Variants in CADPS2 observed in about 807,000 individuals in gnomAD.
The protein encoded by CADPS2 is calcium dependent secretion activator 2.
A neutral mutation model predicts 172.5 loss-of-function variants in CADPS2; 93 were observed. The ratio of observed to expected loss-of-function variants is 0.54; its 90% confidence interval spans 0.46 to 0.64. The LOEUF (loss-of-function observed/expected upper bound fraction) is 0.64, where lower values mean the gene tolerates loss of function less well. CADPS2 is among the 30% of genes least tolerant of loss of function. The pLI is 0.00. For synonymous variants in CADPS2, 546 were observed against 555.2 expected, an observed-to-expected ratio of 0.98 and a Z score of 0.23; for missense variants, 1,420 against 1,565.9, an observed-to-expected ratio of 0.91 and a Z score of 1.57.
chr7:122,675,200 G>A (rs1036174267), intron 2 of CADPS2, among the ~76,000 whole-genome samples: 4 of 152,190 alleles, frequency 2.6e-5, no homozygotes, highest in Admixed American at 6.5e-5. Context: ...CCATCTGTGG[G>A]ACCTGTCTGT....
rs1286462243 is a variant in CADPS2 at position 122,820,542 on chromosome 7, G to GTTTTTTTT, written c.339+65456_339+65457insAAAAAAAA. Among the ~76,000 whole-genome samples, 37 of 117,788 alleles carry GTTTTTTTT rather than the reference G, an allele frequency of 3.1e-4. 3 individuals carry two copies. Among genetic ancestry groups the GTTTTTTTT allele is most frequent in the African/African-American group, 1.2e-3 (34 of 27,586 alleles). The allele number at this position is 117,788 out of a possible 152,430, so 77.3% of individuals were successfully genotyped here. A position where few individuals can be genotyped will look rare whatever the true frequency, so the allele number is the denominator to read the frequency against. On this transcript the variant is annotated intron_variant, in intron 1 of 29. Coordinates refer to ENST00000449022, the MANE Select transcript of CADPS2 (RefSeq NM_017954.11). ...TCTGTCCAAACAACTTGACCTTACTGTTTTTTGTTTTTTGTTTTTTTTTTT... is the reference window on the plus strand; with the variant it reads ...TCTGTCCAAACAACTTGACCTTACTGTTTTTTTTTTTTTTGTTTTTTGTTTTTTTTTTT...
intron 20 of CADPS2, among the ~76,000 whole-genome samples, chr7:122,397,089 A>G (rs910883526): frequency 6.6e-6 from 1 of 152,176 alleles, no homozygotes; most frequent in African/African-American, 2.4e-5. Flanking sequence ...ACAAGATCGG[A>G]CTGCTAAAAA....
intron 8 of CADPS2, among the ~76,000 whole-genome samples, chr7:122,541,847 TCATATATA>T (rs2063100440): frequency 7.8e-6 from 1 of 127,922 alleles, no homozygotes; most frequent in Admixed American, 8.2e-5. Context: ...GTTTATATAT[TCATATATA>T]TTTATATATA....
chr7:122,724,788 C>T (rs2090906037), intron 2 of CADPS2, among the ~76,000 whole-genome samples: 2 of 152,036 alleles, frequency 1.3e-5, no homozygotes, highest in South Asian at 4.1e-4. Flanking sequence ...CTGAAGCCTC[C>T]ACAAGTCCTG....
At chr7:122,865,622 G>C (rs987536577) in intron 1 of CADPS2, among the ~76,000 whole-genome samples, 6 of 152,178 alleles carry the variant, frequency 3.9e-5, no homozygotes, top group Non-Finnish European at 7.3e-5. Flanking sequence ...TATGGGACCT[G>C]GTCCTATTTC....
chr7:122,330,438 G>A (rs1168144748), intron 28 of CADPS2, among the ~76,000 whole-genome samples: 1 of 152,046 alleles, frequency 6.6e-6, no homozygotes, highest in African/African-American at 2.4e-5. Context: ...CATTTCCCAT[G>A]TCTAAACACT....
chr7:122,645,450 C>T lies in CADPS2; in HGVS notation c.787-16122G>A, dbSNP rs1258738598. ...GTGTATATATGTATATATACACACACATATGTATATATGTGTATATATGTA... is the reference window on the plus strand; with the variant it reads ...GTGTATATATGTATATATACACACATATATGTATATATGTGTATATATGTA... On this transcript the variant is annotated intron_variant, in intron 3 of 29. Transcript: ENST00000449022. Among the ~76,000 whole-genome samples, 389 of 76,448 alleles carry T rather than the reference C, an allele frequency of 5.1e-3. 7 individuals carry two copies. The highest frequency in any genetic ancestry group is 0.019 in the African/African-American group (368 of 19,518). The allele number at this position is 76,448 out of a possible 152,430, so 50.2% of individuals were successfully genotyped here. A position where few individuals can be genotyped will look rare whatever the true frequency, so the allele number is the denominator to read the frequency against.
At chr7:122,342,044 T>C (rs1342940703) in intron 28 of CADPS2, among the ~76,000 whole-genome samples, 1 of 152,188 alleles carries the variant, frequency 6.6e-6, no homozygotes, top group Non-Finnish European at 1.5e-5. Flanking sequence ...AATGTTAGCT[T>C]TTGTGACCCT....
chr7:122,865,438 T>C (rs370090192), intron 1 of CADPS2, among the ~76,000 whole-genome samples: 2 of 152,194 alleles, frequency 1.3e-5, no homozygotes, highest in South Asian at 2.1e-4. Flanking sequence ...ACCCTGACTG[T>C]TCCACAGCCA....
In CADPS2 at chr7:122,663,402, A is replaced by T; in HGVS notation, c.621T>A (p.Tyr207Ter). 6.2e-7 allele frequency: 1 copy of T among 1,613,918 alleles called. No homozygotes were observed. Among genetic ancestry groups the T allele is most frequent in the Non-Finnish European group, 8.5e-7 (1 of 1,179,872 alleles). ...ETVLSSWIAKYDAIYRGEEDL... is the reference protein window; with the variant it reads ...ETVLSSWIAK ...CCTCTTCACCTCTGTAAATGGCATC[A>T]TATTTGGCTATCCATGAGCTCAACA... The change falls in exon 3 of 30, where the codon TAT (tyrosine) becomes TAA (stop). Residue 207 changes from tyrosine to a stop codon, truncating the protein, a stop_gained. Coordinates refer to ENST00000449022, the MANE Select transcript of CADPS2 (RefSeq NM_017954.11). LOFTEE classifies it high-confidence loss of function.
chr7:122,745,659 T>C (rs2092691629), intron 1 of CADPS2, among the ~76,000 whole-genome samples: 3 of 149,216 alleles, frequency 2.0e-5, no homozygotes, highest in Non-Finnish European at 3.0e-5. Flanking sequence ...GCCTAGCACA[T>C]AGAATATCCT....
intron 1 of CADPS2, among the ~76,000 whole-genome samples, chr7:122,787,681 A>G (rs1794367459): frequency 6.6e-6 from 1 of 152,162 alleles, no homozygotes; most frequent in African/African-American, 2.4e-5. Context: ...TGCAAAGCAC[A>G]TTGTAGCCTC....
chr7:122,535,799 G>A (rs1210361588), intron 8 of CADPS2, among the ~76,000 whole-genome samples: 1 of 152,088 alleles, frequency 6.6e-6, no homozygotes, highest in African/African-American at 2.4e-5. Context: ...AGTGACTTGT[G>A]TCTCTTGGGA....
At chr7:122,823,774 C>G (rs1434806658) in intron 1 of CADPS2, among the ~76,000 whole-genome samples, 1 of 152,110 alleles carries the variant, frequency 6.6e-6, no homozygotes, top group Non-Finnish European at 1.5e-5. Context: ...ACTCCGAAAC[C>G]AAGTATCTGG....
At chr7:122,366,299 T>C (rs2040830478) in intron 25 of CADPS2, among the ~76,000 whole-genome samples, 1 of 151,466 alleles carries the variant, frequency 6.6e-6, no homozygotes, top group Admixed American at 6.6e-5. Flanking sequence ...AACGTTAATA[T>C]ATGATAATAA....
At chr7:122,854,417 A>G (rs1814610232) in intron 1 of CADPS2, among the ~76,000 whole-genome samples, 1 of 152,172 alleles carries the variant, frequency 6.6e-6, no homozygotes. Flanking sequence ...TTCTACTCAC[A>G]GTATTCAATA....
intron 3 of CADPS2, among the ~76,000 whole-genome samples, chr7:122,641,630 G>A (rs2077657911): frequency 6.6e-6 from 1 of 151,988 alleles, no homozygotes; most frequent in Non-Finnish European, 1.5e-5. Flanking sequence ...ACATCAACCA[G>A]GGAAAACAGT....
At position 122,694,972 on chromosome 7, in the gene CADPS2, G is replaced by T. The variant is rs556735455; in HGVS notation, c.454-31403C>A. On this transcript the variant is annotated intron_variant, in intron 2 of 29. Transcript: ENST00000449022. ...ATACCTACGTGCTGCTTCAAAACCC[G>T]TTAAATGTGGTGAAGGGGTTTAAAT... Among the ~76,000 whole-genome samples the T allele has an allele frequency of 7.9e-5, 12 of 152,252 alleles. No homozygotes were observed. In the East Asian group the frequency reaches 2.1e-3, roughly 27 times the overall value.
At chr7:122,869,864 G>A (rs201169308) in intron 1 of CADPS2, among the ~76,000 whole-genome samples, 6 of 151,992 alleles carry the variant, frequency 3.9e-5, no homozygotes, top group Admixed American at 1.3e-4. Context: ...TTGTGCAAGC[G>A]ATCAAAGTTA....
Sources: gnomAD v4.1 joint callset for allele counts (sites outside exome capture counted in the v4.1 genomes callset) on GRCh38, gnomAD v4.1.1 for gene constraint, MANE v1.5 for transcripts, NCBI Gene and HGNC (gene_info 2026-07-23, HGNC 2026-07-21) for gene names.